The following DOP1B variants were observed in gnomAD, a reference collection of about 807,000 sequenced individuals.
The protein encoded by DOP1B is DOP1 leucine zipper like protein B.
DOP1B carries 174 observed loss-of-function variants against 233.5 expected under a neutral mutation model. The ratio of observed to expected loss-of-function variants is 0.75; its 90% CI spans 0.66 to 0.85. The LOEUF (loss-of-function observed/expected upper bound fraction) is 0.85. DOP1B is among the 40% of genes least tolerant of loss of function. The pLI is 0.00. For missense variants in DOP1B, 2,652 were observed against 2,846.6 expected (o/e 0.93, Z 1.56); for synonymous variants, 1,190 against 1,185.6 (o/e 1.00, Z -0.08).
intron 3 of DOP1B, 27 bp downstream of exon 3, chr21:36,199,278 T>G (rs1555888459): frequency 6.3e-7 from 1 of 1,588,948 alleles, no homozygotes; most frequent in Non-Finnish European, 8.6e-7. Context: ...GCTGTGTTCC[T>G]TTTTATTACC....
chr21:36,268,751 G>T (rs9983239), intron 26 of DOP1B, among the ~76,000 whole-genome samples: 59,455 of 151,836 alleles, frequency 0.39, 11,779 homozygotes, highest in African/African-American at 0.43. Context: ...CTCACCACAA[G>T]CTCTGTCATC....
chr21:36,260,589 G>A, intron 23 of DOP1B, 88 bp from the exon 24 acceptor site: 1 of 1,560,692 alleles, frequency 6.4e-7, no homozygotes, highest in South Asian at 1.2e-5. Flanking sequence ...TGCTTTGTTA[G>A]GCTATAGATC....
intron 2 of DOP1B, among the ~76,000 whole-genome samples, chr21:36,190,114 TC>T (rs143788822): frequency 0.14 from 21,700 of 151,614 alleles, 1,826 homozygotes; most frequent in South Asian, 0.21. Context: ...GGTCAGGAAT[TC>T]GAGACCAGCC....
At chr21:36,260,300 A>G (rs1247407000) in intron 23 of DOP1B, among the ~76,000 whole-genome samples, 1 of 150,594 alleles carries the variant, frequency 6.6e-6, no homozygotes, top group East Asian at 1.9e-4. Context: ...AGAAAGAAGA[A>G]TTAGAATTTT....
intron 33 of DOP1B, 99 bp downstream of exon 33, chr21:36,288,249 T>A: frequency 8.2e-7 from 1 of 1,225,462 alleles, no homozygotes. Context: ...CCATTTTATC[T>A]AAATGTTATT....
Position 36,273,319 on chromosome 21 carries a change from A to G in DOP1B, c.5632+3162A>G, listed in dbSNP as rs192994522. Among the ~76,000 whole-genome samples, 584 of 151,934 alleles carry G rather than the reference A, an allele frequency of 3.8e-3. 1 individual carries two copies. The highest frequency in any genetic ancestry group is 7.2e-3 in the Admixed American group (110 of 15,250). ...CTACCCGGGAGGCTGAGGCAGGAGA[A>G]TCACTGGAACCTGGGAGGCAGAGGC... is the stretch of plus-strand genomic sequence containing the variant. On this transcript the variant is annotated intron_variant, in intron 27 of 36. Transcript: ENST00000691173.
Position 36,233,012 on chromosome 21 carries a change from G to C in DOP1B, c.2559G>C (p.Val853=). The change falls in exon 15 of 37, where the codon GTG becomes GTC. Residue 853 remains valine (V), a synonymous_variant. Transcript: ENST00000691173. ...CTTTTTTTGGCAAGCTGCAGATGGT[G>C]ACGGTTCCTCCCATTGCTCCAGGGA... ...HNPFFGKLQM[V]TVPPIAPGIL... is the part of the protein sequence containing the mutation. The C allele has an allele frequency of 1.2e-6, 2 of 1,614,114 alleles. No individual in the cohort carries two copies. The highest frequency in any genetic ancestry group is 1.7e-6 in the Non-Finnish European group (2 of 1,179,996).
At chr21:36,222,942 T>G (rs564263989) in intron 10 of DOP1B, among the ~76,000 whole-genome samples, 1 of 152,168 alleles carries the variant, frequency 6.6e-6, no homozygotes, top group African/African-American at 2.4e-5. Flanking sequence ...ACCATGTTGG[T>G]CAAGCTGGTG....
In DOP1B at chr21:36,278,298, A is replaced by ACCTT. The variant is rs2067377891; in HGVS notation, c.5912_5913insCCTT (p.Glu1971AspfsTer27). On this transcript the variant is annotated frameshift_variant, in exon 30 of 37. Coordinates refer to ENST00000691173, the MANE Select transcript of DOP1B (RefSeq NM_001320714.2). LOFTEE classifies it high-confidence loss of function. ...TACACAAAGCGAGCCTGGAGGAAGG[A>ACCTT]GGTCCTGGAGCTGTTTCTCGACCCC... 6.2e-7 allele frequency: 1 copy of ACCTT among 1,614,068 alleles called. No homozygotes were observed. Among genetic ancestry groups the ACCTT allele is most frequent in the African/African-American group, 1.3e-5 (1 of 75,034 alleles).
intron 36 of DOP1B, among the ~76,000 whole-genome samples, chr21:36,292,595 G>GT (rs2067572593): frequency 7.1e-6 from 1 of 140,140 alleles, no homozygotes; most frequent in Non-Finnish European, 1.5e-5. Flanking sequence ...GCTAATTTTT[G>GT]TTTTTTTGTT....
intron 10 of DOP1B, among the ~76,000 whole-genome samples, chr21:36,221,586 T>C (rs113459036): frequency 3.9e-5 from 6 of 152,152 alleles, no homozygotes; most frequent in South Asian, 4.1e-4. Context: ...TGTTTGTTTG[T>C]TTGCTTTTGA....
chr21:36,293,286 C>A, intron 36 of DOP1B, 34 bp from the exon 37 acceptor site: 1 of 1,604,280 alleles, frequency 6.2e-7, no homozygotes. Context: ...CTCAGTAAAA[C>A]CATATCATTG....
At chr21:36,268,570 G>A (rs2067254398) in intron 26 of DOP1B, among the ~76,000 whole-genome samples, 2 of 152,216 alleles carry the variant, frequency 1.3e-5, no homozygotes, top group South Asian at 2.1e-4. Flanking sequence ...ATTAAAGACA[G>A]GTGTAAGAAA....
At chr21:36,251,370 G>A (rs947551867) in intron 22 of DOP1B, 86 bp downstream of exon 22, 6 of 1,509,128 alleles carry the variant, frequency 4.0e-6, no homozygotes, top group Middle Eastern at 3.6e-4. Flanking sequence ...GGTGACATTG[G>A]AAGCCAGCAT....
rs568413289 is a variant in DOP1B at position 36,227,336 on chromosome 21, A to G, written c.1474-350A>G. 5.3e-5 allele frequency among the ~76,000 whole-genome samples: 8 copies of G among 152,184 alleles called. No individual in the cohort carries two copies. In the South Asian group the frequency reaches 1.2e-3, roughly 24 times the overall value. On this transcript the variant is annotated intron_variant, in intron 12 of 36. Coordinates refer to ENST00000691173, the MANE Select transcript of DOP1B (RefSeq NM_001320714.2). Reference sequence around the variant, plus strand: ...GCCAAGGTGGATGGATCACAAAGTCAGGAGATCGAGACCATCCTGGCTAAC... The same window carrying G: ...GCCAAGGTGGATGGATCACAAAGTCGGGAGATCGAGACCATCCTGGCTAAC...
chr21:36,252,411 T>C (rs975576246), intron 22 of DOP1B, among the ~76,000 whole-genome samples: 5 of 149,418 alleles, frequency 3.3e-5, no homozygotes, highest in South Asian at 4.2e-4. Context: ...TGAGCTACGA[T>C]TGTGCCACTG....
At chr21:36,167,970 A>C (rs62229323) in intron 2 of DOP1B, among the ~76,000 whole-genome samples, 43,239 of 121,218 alleles carry the variant, frequency 0.36, 7,655 homozygotes, top group South Asian at 0.46. Context: ...TCGAGATGGA[A>C]TCTCACTCTG....
At chr21:36,243,693 A>G (rs577271953) in intron 18 of DOP1B, among the ~76,000 whole-genome samples, 4 of 151,036 alleles carry the variant, frequency 2.6e-5, no homozygotes, top group Admixed American at 2.0e-4. Flanking sequence ...CTTTTTAGAG[A>G]CAGGGGTCTC....
At chr21:36,188,815 A>G (rs983156135) in intron 2 of DOP1B, among the ~76,000 whole-genome samples, 8 of 152,354 alleles carry the variant, frequency 5.3e-5, no homozygotes, top group African/African-American at 1.9e-4. Context: ...TGTCTCTTCT[A>G]GGAACTTTTA....
Sources: gnomAD v4.1 joint callset for allele counts (sites outside exome capture counted in the v4.1 genomes callset) on GRCh38, gnomAD v4.1.1 for gene constraint, MANE v1.5 for transcripts, NCBI Gene and HGNC (gene_info 2026-07-23, HGNC 2026-07-21) for gene names.